The following GLYATL2 variants were observed in gnomAD, a reference collection of about 807,000 sequenced individuals.
GLYATL2 encodes glycine N-acyltransferase-like protein 2.
In GLYATL2, 25 loss-of-function variants were observed where a neutral mutation model predicts 21.4. That is an observed-to-expected ratio of 1.17 (90% CI 0.85 to 1.63). GLYATL2 has a LOEUF of 1.63. Ranked by LOEUF, GLYATL2 falls within the 40% of genes most tolerant of loss-of-function variation. The probability of loss-of-function intolerance (pLI) is 0.00; values close to 1 mark genes in which losing one functional copy is unlikely to be tolerated. For synonymous variants in GLYATL2, 114 were observed against 118.2 expected (o/e 0.96, Z 0.23); for missense variants, 361 against 343.3 (o/e 1.05, Z -0.41).
intron 1 of GLYATL2, among the ~76,000 whole-genome samples, chr11:58,881,774 T>C (rs1341276412): frequency 6.6e-6 from 1 of 152,196 alleles, no homozygotes; most frequent in Non-Finnish European, 1.5e-5. Context: ...TGTGTGATGT[T>C]CCCCGCCCTG....
chr11:58,870,553 T>C (rs1416117362), intron 1 of GLYATL2, among the ~76,000 whole-genome samples: 1 of 152,152 alleles, frequency 6.6e-6, no homozygotes, highest in Non-Finnish European at 1.5e-5. Context: ...ACATTCTCCA[T>C]CCAGAAAAGA....
intron 1 of GLYATL2, among the ~76,000 whole-genome samples, chr11:58,842,463 G>A (rs1159264118): frequency 2.0e-5 from 3 of 147,352 alleles, no homozygotes; most frequent in Non-Finnish European, 4.5e-5. Flanking sequence ...ATTGTCCCAG[G>A]ATGAGTGAGA....
intron 1 of GLYATL2, among the ~76,000 whole-genome samples, chr11:58,866,715 A>G (rs1854028952): frequency 6.7e-6 from 1 of 149,220 alleles, no homozygotes; most frequent in Non-Finnish European, 1.5e-5. Context: ...TTGAACAGAG[A>G]TCGATCAGGA....
At chr11:58,869,787 T>C (rs1368025668) in intron 1 of GLYATL2, among the ~76,000 whole-genome samples, 1 of 152,220 alleles carries the variant, frequency 6.6e-6, no homozygotes, top group Non-Finnish European at 1.5e-5. Flanking sequence ...AATAGAAATG[T>C]CTTCAGAATT....
intron 1 of GLYATL2, among the ~76,000 whole-genome samples, chr11:58,899,558 G>A (rs1854697537): frequency 6.6e-6 from 1 of 152,080 alleles, no homozygotes; most frequent in South Asian, 2.1e-4. Flanking sequence ...CAGACAAAAA[G>A]GAGAGGAAAC....
At chr11:58,845,336 C>T (rs1853623777), upstream of GLYATL2, among the ~76,000 whole-genome samples, 2 of 152,104 alleles carry the variant, frequency 1.3e-5, no homozygotes, top group Admixed American at 6.5e-5. Context: ...TGCAGTGGCT[C>T]ACATCGGTAA....
chr11:58,879,637 A>G (rs1854296610), intron 1 of GLYATL2, among the ~76,000 whole-genome samples: 1 of 152,180 alleles, frequency 6.6e-6, no homozygotes, highest in Non-Finnish European at 1.5e-5. Flanking sequence ...GCAAATTCCT[A>G]GAGTCATAAA....
In GLYATL2 at chr11:58,842,728, A is replaced by G. The variant is rs1443720448; in HGVS notation, c.-41+1706T>C. ...TCATACAAATGAATGACAATAAACA[A>G]TGCTGTGCCAAAGGACTCAGTGAGG... On this transcript the variant is annotated intron_variant, in intron 1 of 5. Coordinates refer to ENST00000287275, the MANE Select transcript of GLYATL2 (RefSeq NM_145016.4). Among the ~76,000 whole-genome samples the G allele has an allele frequency of 2.6e-5, 4 of 152,192 alleles. No homozygotes were observed. The East Asian group carries it at 5.8e-4, about 22-fold the overall frequency.
At chr11:58,877,404 C>T (rs967663180) in intron 1 of GLYATL2, among the ~76,000 whole-genome samples, 10 of 152,212 alleles carry the variant, frequency 6.6e-5, no homozygotes, top group Non-Finnish European at 1.5e-4. Flanking sequence ...TCCTTTTCAG[C>T]CATCTTGGCT....
chr11:58,846,183 A>G (rs1853639385), upstream of GLYATL2, among the ~76,000 whole-genome samples: 2 of 151,902 alleles, frequency 1.3e-5, no homozygotes, highest in South Asian at 4.1e-4. Flanking sequence ...GAGAACACAT[A>G]TTTTTTTTCT....
At chr11:58,902,342 C>A (rs948939622) in intron 1 of GLYATL2, among the ~76,000 whole-genome samples, 2 of 152,176 alleles carry the variant, frequency 1.3e-5, no homozygotes, top group Non-Finnish European at 2.9e-5. Context: ...TCCTTCCTGC[C>A]ACTTCTGCCA....
At chr11:58,851,333 C>T (rs1292099410) in intron 1 of GLYATL2, among the ~76,000 whole-genome samples, 2 of 152,120 alleles carry the variant, frequency 1.3e-5, no homozygotes, top group African/African-American at 4.8e-5. Flanking sequence ...TTTTTAGCAT[C>T]CATTGAGATG....
upstream of GLYATL2, chr11:58,844,815 A>G (rs1417684167): frequency 2.0e-5 from 3 of 152,232 alleles, no homozygotes; most frequent in Non-Finnish European, 4.4e-5. Flanking sequence ...GCACAGCTGC[A>G]GCCTTATTTA....
upstream of GLYATL2, chr11:58,907,776 T>C (rs533142969): frequency 1.1e-4 from 20 of 190,064 alleles, 1 homozygote; most frequent in South Asian, 2.1e-3. Flanking sequence ...TTCCAGTACG[T>C]TGTTATTTTA....
At chr11:58,894,444 A>C (rs1854599913) in intron 1 of GLYATL2, among the ~76,000 whole-genome samples, 1 of 137,992 alleles carries the variant, frequency 7.2e-6, no homozygotes, top group Non-Finnish European at 1.5e-5. Context: ...CTGCCATTGG[A>C]ACTTGGATTA....
chr11:58,838,232 C>A (rs368402125), intron 3 of GLYATL2, 29 bp downstream of exon 3: 1 of 1,409,202 alleles, frequency 7.1e-7, no homozygotes, highest in South Asian at 1.2e-5. Flanking sequence ...AGAGTGACTA[C>A]CCTCATATTC....
chr11:58,905,095 A>G (rs1314930754), upstream of GLYATL2, among the ~76,000 whole-genome samples: 1 of 152,202 alleles, frequency 6.6e-6, no homozygotes, highest in Non-Finnish European at 1.5e-5. Context: ...ACACCCAGTA[A>G]TGCGCCTCCT....
intron 1 of GLYATL2, among the ~76,000 whole-genome samples, chr11:58,890,746 C>G (rs979147798): frequency 1.3e-5 from 2 of 151,630 alleles, no homozygotes; most frequent in Non-Finnish European, 2.9e-5. Context: ...TTTCTTTTCT[C>G]TGTTTCCGTT....
intron 1 of GLYATL2, among the ~76,000 whole-genome samples, chr11:58,883,101 G>A (rs1049528629): frequency 1.3e-5 from 2 of 152,182 alleles, no homozygotes; most frequent in Admixed American, 1.3e-4. Flanking sequence ...AAAAGTCATT[G>A]ATAGCTTTAT....
Sources: allele counts gnomAD v4.1 joint callset (sites outside exome capture counted in the v4.1 genomes callset), GRCh38; gene constraint gnomAD v4.1.1; transcripts MANE v1.5; gene names NCBI Gene and HGNC (gene_info 2026-07-23, HGNC 2026-07-21).